HS1BP3: variants seen among roughly 807,000 people sequenced by gnomAD.
HS1BP3 encodes the protein HCLS1-binding protein 3.
In HS1BP3, 32 loss-of-function variants were observed where a neutral mutation model predicts 33.5. The observed-to-expected ratio is 0.95, with a 90% CI of 0.72 to 1.28. The LOEUF (loss-of-function observed/expected upper bound fraction) is 1.28. Among genes scored for constraint, HS1BP3 ranks in the 50% most tolerant of loss-of-function variants. The pLI, the probability that HS1BP3 is intolerant of heterozygous loss-of-function variation, is 0.00. For missense variants in HS1BP3, 486 were observed against 502.3 expected (o/e 0.97, Z 0.31); for synonymous variants, 187 against 209.2 (o/e 0.89, Z 0.92).
intron 2 of HS1BP3, among the ~76,000 whole-genome samples, chr2:20,643,088 C>T (rs770086996): frequency 6.6e-6 from 1 of 152,202 alleles, no homozygotes; most frequent in Non-Finnish European, 1.5e-5. Flanking sequence ...AGACTTCAGG[C>T]TTGGGGGTAT....
intron 4 of HS1BP3, among the ~76,000 whole-genome samples, chr2:20,633,946 C>G (rs1191960577): frequency 6.6e-6 from 1 of 152,290 alleles, no homozygotes; most frequent in Non-Finnish European, 1.5e-5. Context: ...CCTGCCTCCT[C>G]CTTTCCTTAT....
intron 4 of HS1BP3, chr2:20,635,718 T>C (rs1572354645): frequency 6.6e-6 from 1 of 152,004 alleles, no homozygotes; most frequent in African/African-American, 2.4e-5. Context: ...GGCACGTGCA[T>C]TGTGCCTGCG....
chr2:20,639,378 A>T (rs1695268570), intron 3 of HS1BP3, among the ~76,000 whole-genome samples: 1 of 152,230 alleles, frequency 6.6e-6, no homozygotes, highest in Non-Finnish European at 1.5e-5. Flanking sequence ...TGTATTTGTG[A>T]AAGTATCCAT....
chr2:20,608,968 C>A (rs979526512), intron 2 of HS1BP3, among the ~76,000 whole-genome samples: 4 of 152,224 alleles, frequency 2.6e-5, no homozygotes, highest in African/African-American at 7.2e-5. Context: ...TGCTGAGGTC[C>A]TGAAAAGCCT....
downstream of HS1BP3, among the ~76,000 whole-genome samples, chr2:20,615,775 C>T (rs992329310): frequency 6.6e-6 from 1 of 152,372 alleles, no homozygotes; most frequent in African/African-American, 2.4e-5. Context: ...AATAAGGCCA[C>T]AGGGCCCCAG....
chr2:20,554,912 C>T, the HS1BP3 span, among the ~76,000 whole-genome samples: 12 of 152,188 alleles, frequency 7.9e-5, no homozygotes, highest in African/African-American at 1.2e-4. Flanking sequence ...AGAGCTCTAA[C>T]GTTCTAGCTT....
chr2:20,581,617 T>C (rs1693535627), intron 5 of HS1BP3, among the ~76,000 whole-genome samples: 1 of 152,236 alleles, frequency 6.6e-6, no homozygotes, highest in Admixed American at 6.5e-5. Context: ...CCCAAAGTGC[T>C]GGGATTACAG....
chr2:20,583,705 C>A (rs954267934), intron 5 of HS1BP3, among the ~76,000 whole-genome samples: 2 of 152,190 alleles, frequency 1.3e-5, no homozygotes, highest in African/African-American at 4.8e-5. Context: ...GTGAGTCCCC[C>A]AGTAGAGGAA....
At chr2:20,580,249 T>C (rs533578683) in intron 5 of HS1BP3, among the ~76,000 whole-genome samples, 178 of 152,376 alleles carry the variant, frequency 1.2e-3, no homozygotes, top group African/African-American at 4.0e-3. Flanking sequence ...CTGAGTGTGG[T>C]GGCTCATGCC....
intron 5 of HS1BP3, among the ~76,000 whole-genome samples, chr2:20,569,393 C>T (rs1461562789): frequency 6.6e-6 from 1 of 152,214 alleles, no homozygotes; most frequent in African/African-American, 2.4e-5. Flanking sequence ...TGTGGACAGA[C>T]TGTGGCTGCC....
intron 5 of HS1BP3, among the ~76,000 whole-genome samples, chr2:20,575,334 A>G (rs570133220): frequency 2.0e-5 from 3 of 152,334 alleles, no homozygotes; most frequent in South Asian, 4.1e-4. Flanking sequence ...CCAGAGACAC[A>G]TAGTGTCAAT....
chr2:20,571,418 G>A (rs567130492), intron 5 of HS1BP3, among the ~76,000 whole-genome samples: 24 of 152,268 alleles, frequency 1.6e-4, no homozygotes, highest in Admixed American at 3.9e-4. Flanking sequence ...GAGGCAGCCC[G>A]GGCCTGTTCC....
chr2:20,569,972 G>T (rs569405493), intron 5 of HS1BP3, among the ~76,000 whole-genome samples: 85 of 152,316 alleles, frequency 5.6e-4, no homozygotes, highest in Non-Finnish European at 7.4e-4. Flanking sequence ...CCTCTGGGCT[G>T]CCCCCAGCCC....
At chr2:20,642,425 C>G (rs1695382698) in intron 2 of HS1BP3, among the ~76,000 whole-genome samples, 2 of 152,200 alleles carry the variant, frequency 1.3e-5, no homozygotes, top group Admixed American at 1.3e-4. Flanking sequence ...CAGTTGTCAG[C>G]ACAAGAGCCT....
intron 3 of HS1BP3, chr2:20,598,176 G>T: frequency 3.2e-6 from 1 of 308,000 alleles, no homozygotes; most frequent in South Asian, 2.7e-5. Context: ...TTATTACGTT[G>T]TAATATATAA....
At chr2:20,609,842 T>C (rs564553538) in intron 2 of HS1BP3, among the ~76,000 whole-genome samples, 6 of 152,200 alleles carry the variant, frequency 3.9e-5, no homozygotes, top group Non-Finnish European at 7.4e-5. Flanking sequence ...CCCCAGCCCC[T>C]TGACTCAGTT....
downstream of HS1BP3, among the ~76,000 whole-genome samples, chr2:20,591,832 G>A (rs537233506): frequency 6.6e-6 from 1 of 152,304 alleles, no homozygotes; most frequent in Admixed American, 6.5e-5. Flanking sequence ...CCAAAGTGCT[G>A]GGATTACAGG....
intron 2 of HS1BP3, among the ~76,000 whole-genome samples, chr2:20,607,262 T>C (rs1054801283): frequency 6.6e-6 from 1 of 152,076 alleles, no homozygotes; most frequent in East Asian, 1.9e-4. Context: ...TTCAAGCAAT[T>C]CTCCTGCCTT....
chr2:20,632,257 G>C (rs941330110), intron 4 of HS1BP3, among the ~76,000 whole-genome samples: 1 of 152,206 alleles, frequency 6.6e-6, no homozygotes, highest in Non-Finnish European at 1.5e-5. Flanking sequence ...CTCCCTGGTC[G>C]CAGTAAGCTC....
Sources: allele counts gnomAD v4.1 joint callset (sites outside exome capture counted in the v4.1 genomes callset), GRCh38; gene constraint gnomAD v4.1.1; transcripts MANE v1.5; gene names NCBI Gene and HGNC (gene_info 2026-07-23, HGNC 2026-07-21).